Variants in NRG1 observed in about 807,000 individuals in gnomAD.
The protein encoded by NRG1 is neuregulin 1.
Under a neutral mutation model 63.8 loss-of-function variants are expected in NRG1, and 18 were observed. The ratio of observed to expected loss-of-function variants is 0.28; its 90% CI spans 0.19 to 0.42. NRG1 has a LOEUF of 0.42. NRG1 is among the 10% of genes least tolerant of loss of function. The pLI is 1.00. For missense variants in NRG1, 762 were observed against 814.7 expected (o/e 0.94, Z 0.79); for synonymous variants, 302 against 301.3 (o/e 1.00, Z -0.02).
At chr8:32,223,270 C>G (rs1563924646) in intron 1 of NRG1, among the ~76,000 whole-genome samples, 1 of 152,186 alleles carries the variant, frequency 6.6e-6, no homozygotes, top group African/African-American at 2.4e-5. Flanking sequence ...CTGGAAATTA[C>G]TGTGCAGCTG....
chr8:31,739,354 A>G (rs1815032414), intron 1 of NRG1, among the ~76,000 whole-genome samples: 1 of 151,968 alleles, frequency 6.6e-6, no homozygotes, highest in Non-Finnish European at 1.5e-5. Flanking sequence ...TGATTAATGT[A>G]TTCATCTTGG....
intron 1 of NRG1, among the ~76,000 whole-genome samples, chr8:31,699,667 C>G (rs916958631): frequency 1.3e-5 from 2 of 151,772 alleles, no homozygotes; most frequent in Non-Finnish European, 2.9e-5. Context: ...ATCCTTGAAG[C>G]AAAACTTTAA....
chr8:31,817,224 G>A (rs187400290), intron 1 of NRG1, among the ~76,000 whole-genome samples: 1 of 152,166 alleles, frequency 6.6e-6, no homozygotes, highest in Non-Finnish European at 1.5e-5. Flanking sequence ...GAATGTTCTC[G>A]CTAATTTGAG....
At chr8:32,206,900 T>C (rs1274449626) in intron 1 of NRG1, among the ~76,000 whole-genome samples, 1 of 152,238 alleles carries the variant, frequency 6.6e-6, no homozygotes, top group Non-Finnish European at 1.5e-5. Flanking sequence ...TGACTTTCTG[T>C]TTCTGAGTTA....
intron 1 of NRG1, among the ~76,000 whole-genome samples, chr8:31,955,163 G>A (rs1804154477): frequency 6.6e-6 from 1 of 152,174 alleles, no homozygotes. Context: ...ATTATTAAAA[G>A]TAATGGCAAA....
chr8:31,973,092 C>A (rs952953090), intron 1 of NRG1, among the ~76,000 whole-genome samples: 1 of 152,094 alleles, frequency 6.6e-6, no homozygotes, highest in Non-Finnish European at 1.5e-5. Context: ...CATCCCTCAC[C>A]TCATAAACCT....
At chr8:32,697,437 T>C (rs1352116969) in intron 5 of NRG1, among the ~76,000 whole-genome samples, 1 of 152,238 alleles carries the variant, frequency 6.6e-6, no homozygotes, top group Non-Finnish European at 1.5e-5. Context: ...TGCTGAATAC[T>C]TGTCTCTTTG....
At chr8:32,425,881 G>A (rs1817293800) in intron 1 of NRG1, among the ~76,000 whole-genome samples, 1 of 152,132 alleles carries the variant, frequency 6.6e-6, no homozygotes, top group African/African-American at 2.4e-5. Flanking sequence ...GCATATAGAG[G>A]CAGGGCTGAG....
intron 1 of NRG1, among the ~76,000 whole-genome samples, chr8:31,906,788 A>T (rs1487209201): frequency 6.6e-6 from 1 of 152,020 alleles, no homozygotes; most frequent in African/African-American, 2.4e-5. Context: ...ATCACTCTTC[A>T]GTTTCTGCTG....
At chr8:32,188,702 G>A (rs571841672) in intron 1 of NRG1, among the ~76,000 whole-genome samples, 98 of 152,152 alleles carry the variant, frequency 6.4e-4, no homozygotes, top group Middle Eastern at 3.4e-3. Flanking sequence ...GGAGGAGGCC[G>A]TGTGCTTCCT....
At chr8:32,283,545 C>T (rs1259168489) in intron 1 of NRG1, among the ~76,000 whole-genome samples, 11 of 152,116 alleles carry the variant, frequency 7.2e-5, no homozygotes, top group Non-Finnish European at 1.5e-4. Context: ...TGGGGCTCAA[C>T]TCTGTTAGCC....
intron 1 of NRG1, among the ~76,000 whole-genome samples, chr8:31,943,092 A>G (rs1249327551): frequency 1.3e-5 from 2 of 152,134 alleles, no homozygotes; most frequent in East Asian, 3.9e-4. Flanking sequence ...AGCACAATTC[A>G]CTGTTGCAAA....
intron 5 of NRG1, among the ~76,000 whole-genome samples, chr8:32,649,998 G>T (rs573573805): frequency 3.0e-4 from 45 of 152,222 alleles, no homozygotes; most frequent in African/African-American, 1.0e-3. Context: ...GCTTGAACAG[G>T]TTTCATTGTC....
At chr8:32,034,765 G>C (rs943252914) in intron 1 of NRG1, among the ~76,000 whole-genome samples, 1 of 152,074 alleles carries the variant, frequency 6.6e-6, no homozygotes, top group African/African-American at 2.4e-5. Context: ...TCTGATGGTT[G>C]TTTGTATTTC....
chr8:32,179,295 G>A (rs1841172727), intron 1 of NRG1, among the ~76,000 whole-genome samples: 1 of 151,738 alleles, frequency 6.6e-6, no homozygotes, highest in African/African-American at 2.4e-5. Flanking sequence ...TGCGGAAGTG[G>A]CAAGAAAAGA....
In NRG1 at chr8:31,666,183, A is replaced by T. The variant is rs1371748535; in HGVS notation, c.37+26752A>T. Among the ~76,000 whole-genome samples, 3 of 152,198 alleles carry T rather than the reference A, an allele frequency of 2.0e-5. No individual in the cohort carries two copies. The East Asian group carries it at 5.8e-4, about 29-fold the overall frequency. ...ATTGAGCAGATTTCTGAGCGGCTTTAAAGAAAATGTTAAAAGCCTTTTAGA... is the reference window on the plus strand; with the variant it reads ...ATTGAGCAGATTTCTGAGCGGCTTTTAAGAAAATGTTAAAAGCCTTTTAGA... On this transcript the variant is annotated intron_variant, in intron 1 of 10. Coordinates refer to the NRG1 transcript ENST00000519301.
chr8:32,548,597 G>C, exon 1 of NRG1: 1 of 1,344,468 alleles, frequency 7.4e-7, no homozygotes, highest in Non-Finnish European at 9.5e-7. Flanking sequence ...CCCGCGCAGC[G>C]CGAGCGCCTC....
At chr8:32,103,564 T>G (rs368579774) in intron 1 of NRG1, among the ~76,000 whole-genome samples, 1 of 152,232 alleles carries the variant, frequency 6.6e-6, no homozygotes, top group African/African-American at 2.4e-5. Flanking sequence ...GTGGGATTGC[T>G]GGATCATATG....
upstream of NRG1, among the ~76,000 whole-genome samples, chr8:32,544,657 T>C (rs973297596): frequency 1.4e-5 from 2 of 143,780 alleles, no homozygotes; most frequent in Non-Finnish European, 3.1e-5. Flanking sequence ...GGAGCACCAC[T>C]ACACCTGGCT....
Sources: gnomAD v4.1 joint callset for allele counts (sites outside exome capture counted in the v4.1 genomes callset) on GRCh38, gnomAD v4.1.1 for gene constraint, MANE v1.5 for transcripts, NCBI Gene and HGNC (gene_info 2026-07-23, HGNC 2026-07-21) for gene names.